The following SLIT3 variants were observed in gnomAD, a reference collection of about 807,000 sequenced individuals.
SLIT3 encodes the protein slit guidance ligand 3, also known as slit homolog 3 protein.
Under a neutral mutation model 184.0 loss-of-function variants are expected in SLIT3, and 68 were observed. That is an observed-to-expected ratio of 0.37 (90% CI 0.30 to 0.45). The LOEUF is 0.45. Among genes scored for constraint, SLIT3 ranks in the 20% least tolerant of loss-of-function variants. The probability of loss-of-function intolerance (pLI) is 1.00; values close to 1 mark genes in which losing one functional copy is unlikely to be tolerated. For synonymous variants in SLIT3, 831 were observed against 828.6 expected (o/e 1.00, Z -0.05); for missense variants, 1,707 against 2,026.0 (o/e 0.84, Z 3.02).
chr5:169,037,585 C>G (rs1036131317), intron 4 of SLIT3: 1 of 152,232 alleles, frequency 6.6e-6, no homozygotes, highest in African/African-American at 2.4e-5. Context: ...ACGTGTTTCA[C>G]GCTAACATCA....
chr5:168,874,784 C>T (rs1292164686), intron 5 of SLIT3, among the ~76,000 whole-genome samples: 1 of 152,192 alleles, frequency 6.6e-6, no homozygotes, highest in African/African-American at 2.4e-5. Flanking sequence ...GTTTCTTCTA[C>T]TATTTTTCTC....
chr5:169,210,726 G>A lies in SLIT3; in HGVS notation c.342-17176C>T, dbSNP rs1051078887. On this transcript the variant is annotated intron_variant, in intron 3 of 35. Coordinates refer to ENST00000519560, the MANE Select transcript of SLIT3 (RefSeq NM_003062.4). ...TGAATCAAAGTAAGAGGAGAAACAG[G>A]AGACAAGGCAAAACTTAGTGGCAAA... 3.9e-5 allele frequency among the ~76,000 whole-genome samples: 6 copies of A among 152,158 alleles called. No homozygotes were observed. The East Asian group carries it at 1.2e-3, about 29-fold the overall frequency.
At chr5:169,122,084 G>T (rs555298351) in intron 4 of SLIT3, among the ~76,000 whole-genome samples, 1 of 152,290 alleles carries the variant, frequency 6.6e-6, no homozygotes, top group East Asian at 1.9e-4. Flanking sequence ...GGCCAGCTTG[G>T]CCCCAGACTG....
At chr5:169,265,403 C>A (rs142827660) in intron 1 of SLIT3, among the ~76,000 whole-genome samples, 7 of 152,314 alleles carry the variant, frequency 4.6e-5, no homozygotes, top group South Asian at 2.1e-4. Flanking sequence ...TAGTGGCCAT[C>A]ATAAGCTGGT....
intron 4 of SLIT3, among the ~76,000 whole-genome samples, chr5:168,923,030 G>A (rs1175327383): frequency 6.6e-6 from 1 of 152,184 alleles, no homozygotes; most frequent in East Asian, 1.9e-4. Flanking sequence ...GAGTAGCGGA[G>A]TTACCAGATC....
At chr5:169,107,404 G>A (rs892804514) in intron 4 of SLIT3, among the ~76,000 whole-genome samples, 1 of 152,228 alleles carries the variant, frequency 6.6e-6, no homozygotes, top group East Asian at 1.9e-4. Context: ...CTGGAGCTAA[G>A]AGCTGTATAT....
At chr5:169,209,353 G>A (rs1024868816) in intron 3 of SLIT3, among the ~76,000 whole-genome samples, 2 of 152,192 alleles carry the variant, frequency 1.3e-5, no homozygotes, top group Non-Finnish European at 2.9e-5. Flanking sequence ...CACGTTGGTG[G>A]GAGTGTAAAT....
chr5:169,197,403 AGAT>A (rs1763773848), intron 3 of SLIT3, among the ~76,000 whole-genome samples: 1 of 152,148 alleles, frequency 6.6e-6, no homozygotes, highest in African/African-American at 2.4e-5. Context: ...TTCCTTGAAA[AGAT>A]GATGAAGGCT....
chr5:169,173,060 G>A (rs1479622670), intron 4 of SLIT3, among the ~76,000 whole-genome samples: 5 of 152,122 alleles, frequency 3.3e-5, no homozygotes, highest in East Asian at 1.9e-4. Context: ...TCGGGAGTTC[G>A]AGACCAGGCT....
intron 4 of SLIT3, among the ~76,000 whole-genome samples, chr5:168,969,617 C>T (rs963339340): frequency 1.3e-5 from 2 of 152,340 alleles, no homozygotes; most frequent in South Asian, 2.1e-4. Flanking sequence ...CTGCTCCGCT[C>T]AATCTGGCTG....
At chr5:168,885,174 G>A (rs1358067613) in intron 4 of SLIT3, among the ~76,000 whole-genome samples, 2 of 152,162 alleles carry the variant, frequency 1.3e-5, no homozygotes, top group African/African-American at 2.4e-5. Context: ...ACGATCATCT[G>A]GGGCTACTTT....
At chr5:168,685,591 T>TTA in intron 31 of SLIT3, 96 bp downstream of exon 31, 1 of 1,437,512 alleles carries the variant, frequency 7.0e-7, no homozygotes. Context: ...TGATGGTGCT[T>TTA]TACTGTTAAG....
At chr5:168,738,682 T>TA (rs2113421038) in intron 20 of SLIT3, among the ~76,000 whole-genome samples, 1 of 152,290 alleles carries the variant, frequency 6.6e-6, no homozygotes, top group South Asian at 2.1e-4. Flanking sequence ...CTCATGCCTG[T>TA]AATCCCAGCA....
chr5:168,905,875 GA>G (rs529066143), intron 4 of SLIT3, among the ~76,000 whole-genome samples: 179 of 152,302 alleles, frequency 1.2e-3, no homozygotes, highest in Non-Finnish European at 2.2e-3. Context: ...TTTGACTTTG[GA>G]AAGAAGAAGG....
chr5:168,773,481 C>T (rs1279226334), intron 13 of SLIT3, among the ~76,000 whole-genome samples: 6 of 152,130 alleles, frequency 3.9e-5, no homozygotes, highest in Non-Finnish European at 5.9e-5. Flanking sequence ...GTGTTTGGCA[C>T]GTGGTCGGCG....
At chr5:168,754,581 T>C (rs528100677) in intron 16 of SLIT3, among the ~76,000 whole-genome samples, 4 of 152,138 alleles carry the variant, frequency 2.6e-5, no homozygotes, top group Admixed American at 6.5e-5. Context: ...AGGGTGACTA[T>C]AGTTAACAAC....
chr5:169,113,513 T>C (rs1760490848), intron 4 of SLIT3, among the ~76,000 whole-genome samples: 1 of 152,174 alleles, frequency 6.6e-6, no homozygotes, highest in African/African-American at 2.4e-5. Context: ...TAATTAATGA[T>C]GGCTGTACAA....
At chr5:169,182,413 G>A (rs909441299) in intron 4 of SLIT3, among the ~76,000 whole-genome samples, 22 of 152,176 alleles carry the variant, frequency 1.4e-4, no homozygotes. Flanking sequence ...CTTTGTAAAT[G>A]AACTGCAAAC....
At chr5:169,198,716 G>A (rs1056828538) in intron 3 of SLIT3, among the ~76,000 whole-genome samples, 7 of 152,124 alleles carry the variant, frequency 4.6e-5, no homozygotes, top group South Asian at 2.1e-4. Context: ...GGCAGATCAC[G>A]AGGTCAGGAG....
Sources: gnomAD v4.1 joint callset for allele counts (sites outside exome capture counted in the v4.1 genomes callset) on GRCh38, gnomAD v4.1.1 for gene constraint, MANE v1.5 for transcripts, NCBI Gene and HGNC (gene_info 2026-07-23, HGNC 2026-07-21) for gene names.